Variants in TBC1D19 observed in about 807,000 individuals in gnomAD.
TBC1D19 encodes TBC1 domain family member 19, also known as TBC1 domain family, member 19.
A neutral mutation model predicts 89.0 loss-of-function variants in TBC1D19; 60 were observed. The observed-to-expected ratio is 0.67, with a 90% CI of 0.55 to 0.84. The LOEUF (loss-of-function observed/expected upper bound fraction) is 0.84, where lower values mean the gene tolerates loss of function less well. Ranked by LOEUF, TBC1D19 falls within the 40% of genes least tolerant of loss-of-function variation. The pLI is 0.00. For missense variants in TBC1D19, 500 were observed against 610.8 expected (o/e 0.82, Z 1.91); for synonymous variants, 189 against 199.7 (o/e 0.95, Z 0.45).
intron 4 of TBC1D19, among the ~76,000 whole-genome samples, chr4:26,630,906 G>A (rs1182796943): frequency 6.6e-6 from 1 of 151,968 alleles, no homozygotes; most frequent in Non-Finnish European, 1.5e-5. Flanking sequence ...TAGAGTTCTT[G>A]AGGAAACCTA....
intron 9 of TBC1D19, among the ~76,000 whole-genome samples, chr4:26,668,794 A>G (rs1385744176): frequency 2.6e-5 from 4 of 151,842 alleles, no homozygotes; most frequent in Non-Finnish European, 5.9e-5. Flanking sequence ...TCTGTTACCT[A>G]TGTTTTATCA....
intron 1 of TBC1D19, among the ~76,000 whole-genome samples, chr4:26,595,203 T>G (rs894370733): frequency 6.6e-6 from 1 of 152,244 alleles, no homozygotes; most frequent in Admixed American, 6.5e-5. Flanking sequence ...TTAAGTATCC[T>G]TTTATGTTTA....
At chr4:26,752,558 C>A (rs1210419114) in intron 19 of TBC1D19, among the ~76,000 whole-genome samples, 1 of 152,072 alleles carries the variant, frequency 6.6e-6, no homozygotes, top group African/African-American at 2.4e-5. Flanking sequence ...TTGAATATTT[C>A]TTACCATTAA....
chr4:26,807,064 C>G, the TBC1D19 span, among the ~76,000 whole-genome samples: 1 of 152,234 alleles, frequency 6.6e-6, no homozygotes, highest in Admixed American at 6.5e-5. Context: ...ATTGAAGACA[C>G]CCCCTTCCCA....
At position 26,702,848 on chromosome 4, in the gene TBC1D19, G is replaced by T. The variant is rs578063538; in HGVS notation, c.954+14441G>T. On this transcript the variant is annotated intron_variant, in intron 13 of 20. Transcript: ENST00000264866. Reference sequence around the variant, plus strand: ...CCATGACAGAAACATTATACCAATTGAATAGCAGCTCCATATTCCCCCTGC... The same window carrying T: ...CCATGACAGAAACATTATACCAATTTAATAGCAGCTCCATATTCCCCCTGC... Among the ~76,000 whole-genome samples the T allele has an allele frequency of 3.9e-5, 6 of 152,276 alleles. No homozygotes were observed. In the South Asian group the frequency reaches 1.0e-3, roughly 26 times the overall value.
intron 1 of TBC1D19, among the ~76,000 whole-genome samples, chr4:26,592,417 G>A (rs1739878552): frequency 6.6e-6 from 1 of 152,162 alleles, no homozygotes; most frequent in African/African-American, 2.4e-5. Context: ...CATTCCCTTT[G>A]AAAACTGGCA....
intron 18 of TBC1D19, among the ~76,000 whole-genome samples, chr4:26,746,931 T>C (rs548341104): frequency 6.6e-6 from 1 of 152,242 alleles, no homozygotes; most frequent in Non-Finnish European, 1.5e-5. Flanking sequence ...GTGACTAACA[T>C]GTGGGTAGCA....
chr4:26,743,120 A>G (rs1447922022), intron 18 of TBC1D19, among the ~76,000 whole-genome samples: 5 of 152,184 alleles, frequency 3.3e-5, no homozygotes, highest in Non-Finnish European at 7.4e-5. Context: ...TTATAAGTGA[A>G]TATGTATAGT....
the TBC1D19 span, among the ~76,000 whole-genome samples, chr4:26,778,725 C>G: frequency 6.6e-6 from 1 of 152,102 alleles, no homozygotes; most frequent in Admixed American, 6.5e-5. Context: ...TACCAGAAAC[C>G]CCATTAGAAC....
the TBC1D19 span, among the ~76,000 whole-genome samples, chr4:26,848,365 C>T: frequency 2.0e-5 from 3 of 152,208 alleles, no homozygotes; most frequent in Non-Finnish European, 4.4e-5. Context: ...CTTTCATAAT[C>T]ATGTAGCCAA....
At chr4:26,767,593 C>G in the TBC1D19 span, among the ~76,000 whole-genome samples, 4 of 152,188 alleles carry the variant, frequency 2.6e-5, no homozygotes, top group South Asian at 8.3e-4. Context: ...GAGCACATAA[C>G]AAGATGGTGG....
At chr4:26,627,644 T>C (rs1742514934) in intron 4 of TBC1D19, among the ~76,000 whole-genome samples, 1 of 151,898 alleles carries the variant, frequency 6.6e-6, no homozygotes, top group South Asian at 2.1e-4. Flanking sequence ...TGGCCAGTGA[T>C]GGTGAGCATT....
chr4:26,627,936 G>T (rs1742538342), intron 4 of TBC1D19, among the ~76,000 whole-genome samples: 1 of 152,108 alleles, frequency 6.6e-6, no homozygotes. Flanking sequence ...ATTGCTTTTG[G>T]TGTTTTAGAC....
At chr4:26,686,794 T>A (rs1387895781) in intron 12 of TBC1D19, among the ~76,000 whole-genome samples, 3 of 152,054 alleles carry the variant, frequency 2.0e-5, no homozygotes, top group Non-Finnish European at 4.4e-5. Flanking sequence ...GTCATTATGG[T>A]TTTTTCAGAG....
rs772244221 is a variant in TBC1D19 at position 26,666,289 on chromosome 4, CAA to C, written c.592-42_592-41del. The C allele has an allele frequency of 5.5e-5, 82 of 1,500,204 alleles. 2 individuals are homozygous for C. Among genetic ancestry groups the C allele is most frequent in the Non-Finnish European group, 7.0e-5 (76 of 1,082,570 alleles). 92.9% of individuals were successfully genotyped at this position (1,500,204 alleles called of 1,614,324 possible). On this transcript the variant is annotated intron_variant, in intron 8 of 20. Transcript: ENST00000264866. Reference sequence around the variant, plus strand: ...AAGGTGATCTTTTAACAATGTGCAGCAAAGTCTGAGATCTATGTTAATTCTAC... The same window carrying C: ...AAGGTGATCTTTTAACAATGTGCAGCAGTCTGAGATCTATGTTAATTCTAC...
the TBC1D19 span, among the ~76,000 whole-genome samples, chr4:26,801,808 T>C: frequency 6.6e-6 from 1 of 152,150 alleles, no homozygotes; most frequent in East Asian, 1.9e-4. Flanking sequence ...CCAACGCATA[T>C]GTGAAAAGAG....
At chr4:26,654,967 A>G (rs982735670) in intron 7 of TBC1D19, among the ~76,000 whole-genome samples, 3 of 152,060 alleles carry the variant, frequency 2.0e-5, no homozygotes, top group Non-Finnish European at 4.4e-5. Context: ...TAGAATTTTC[A>G]ATTTTTCTGC....
the TBC1D19 span, chr4:26,858,553 T>C: frequency 1.3e-5 from 2 of 152,394 alleles, no homozygotes; most frequent in Middle Eastern, 6.8e-3. Context: ...TAGAAGCATA[T>C]ATAATTCTAG....
the TBC1D19 span, among the ~76,000 whole-genome samples, chr4:26,850,560 A>G: frequency 1.9e-3 from 285 of 148,682 alleles, 5 homozygotes; most frequent in African/African-American, 6.9e-3. Context: ...AAAAAAAAAA[A>G]AAGAAGAAGA....
Sources: allele counts gnomAD v4.1 joint callset (sites outside exome capture counted in the v4.1 genomes callset), GRCh38; gene constraint gnomAD v4.1.1; transcripts MANE v1.5; gene names NCBI Gene and HGNC (gene_info 2026-07-23, HGNC 2026-07-21).